FLT4: variants seen among roughly 807,000 people sequenced by gnomAD.
The protein encoded by FLT4 is fms related receptor tyrosine kinase 4.
FLT4 carries 30 observed loss-of-function variants against 163.2 expected under a neutral mutation model. The observed-to-expected ratio is 0.18, with a 90% confidence interval of 0.14 to 0.25. The LOEUF (loss-of-function observed/expected upper bound fraction) is 0.25. Ranked by LOEUF, FLT4 falls within the 10% of genes least tolerant of loss-of-function variation. The pLI is 1.00. For missense variants in FLT4, 1,510 were observed against 1,863.8 expected (o/e 0.81, Z 3.50); for synonymous variants, 884 against 789.5 (o/e 1.12, Z -2.01).
At chr5:180,649,802 G>A (rs756970610), upstream of FLT4, among the ~76,000 whole-genome samples, 102 of 152,128 alleles carry the variant, frequency 6.7e-4, no homozygotes, top group Admixed American at 1.4e-3. Context: ...GCGGGGACGC[G>A]GGTAACGCAG....
At chr5:180,646,269 A>G (rs1024366329) in intron 1 of FLT4, among the ~76,000 whole-genome samples, 2 of 152,042 alleles carry the variant, frequency 1.3e-5, no homozygotes, top group Non-Finnish European at 2.9e-5. Context: ...TGTCCCCACC[A>G]TCCCCAGCTG....
In FLT4 at chr5:180,630,854, C is replaced by T. The variant is rs559947084; in HGVS notation, c.156-55G>A. On this transcript the variant is annotated intron_variant, in intron 2 of 29. Transcript: ENST00000261937. This position sits in a 1 kb window ranked among gnomAD's most constrained non-coding sequence, Gnocchi z 6.3. ...CCCCAGGGCAGCCCATGGGGACTGT[C>T]CCTGAGAAGCCTCCCTCAGGCCGAG... 2.9e-5 allele frequency: 44 copies of T among 1,539,782 alleles called. No individual in the cohort carries two copies. The Admixed American group carries it at 6.1e-4, about 21-fold the overall frequency.
At chr5:180,615,013 G>A (rs1762529351) in intron 23 of FLT4, among the ~76,000 whole-genome samples, 1 of 152,060 alleles carries the variant, frequency 6.6e-6, no homozygotes, top group Admixed American at 6.5e-5. Flanking sequence ...CCATCTCCAG[G>A]ACAGACACCA....
Position 180,630,063 on chromosome 5 carries a change from C to T in FLT4, c.556G>A (p.Asp186Asn). The T allele has an allele frequency of 6.2e-7, 1 of 1,612,804 alleles. No homozygotes were observed. The highest frequency in any genetic ancestry group is 8.5e-7 in the Non-Finnish European group (1 of 1,180,018). ...LWPDGQEVVWDDRRGMLVSTP... is the reference protein window; with the variant it reads ...LWPDGQEVVWNDRRGMLVSTP... ...GACACGAGCATGCCCCGCCGGTCAT[C>T]CCACACCACCTCCTGCCCGTCTGGC... The change falls in exon 5 of 30, where the codon GAT becomes AAT. Residue 186 changes from aspartate (D) to asparagine (N), a missense_variant. Around this residue, in one of 5 missense-constraint regions of FLT4, gnomAD observed 163 missense variants for 281.1 expected, o/e 0.58. Coordinates refer to ENST00000261937, the MANE Select transcript of FLT4 (RefSeq NM_182925.5). The surrounding 1 kb of genome is among the most constrained non-coding windows in gnomAD (Gnocchi z 6.3).
intron 29 of FLT4, among the ~76,000 whole-genome samples, chr5:180,606,026 T>C (rs1761762931): frequency 6.6e-6 from 1 of 152,176 alleles, no homozygotes; most frequent in South Asian, 2.1e-4. Context: ...GCACATTCTC[T>C]CCTTGCACCT....
chr5:180,647,674 C>T (rs1406885884), intron 1 of FLT4, among the ~76,000 whole-genome samples: 1 of 151,942 alleles, frequency 6.6e-6, no homozygotes, highest in Non-Finnish European at 1.5e-5. Flanking sequence ...GGGTCTTCAG[C>T]CTAGCAGGGG....
At chr5:180,646,640 C>G (rs1581721502) in intron 1 of FLT4, among the ~76,000 whole-genome samples, 1 of 152,214 alleles carries the variant, frequency 6.6e-6, no homozygotes, top group African/African-American at 2.4e-5. Flanking sequence ...CTGGGCAATA[C>G]ACGTCTGATG....
rs1339437298 is a variant in FLT4 at position 180,643,386 on chromosome 5, C to T, written c.58+6102G>A. On this transcript the variant is annotated intron_variant, in intron 1 of 29. Coordinates refer to ENST00000261937, the MANE Select transcript of FLT4 (RefSeq NM_182925.5). ...CCTCACCATCCTGACAGCAGCTTGG[C>T]GTGGATGCTTTCTGGCCGCAGAACC... Among the ~76,000 whole-genome samples, 15 of 152,288 alleles carry T rather than the reference C, an allele frequency of 9.8e-5. No homozygotes were observed. The East Asian group carries it at 1.4e-3, about 14-fold the overall frequency.
rs183170811 is a variant in FLT4 at position 180,631,332 on chromosome 5, G to C, written c.155+350C>G. On this transcript the variant is annotated intron_variant, in intron 2 of 29. Transcript: ENST00000261937. ...ACTACAAATACAAAAAATTAGCCGG[G>C]CGTGGTGGCGGGCACCTGTAGTCCC... 2.9e-3 allele frequency among the ~76,000 whole-genome samples: 445 copies of C among 152,226 alleles called. 5 individuals carry two copies. Among genetic ancestry groups the C allele is most frequent in the African/African-American group, 0.01 (423 of 41,556 alleles).
Position 180,602,710 on chromosome 5 carries a change from C to T in FLT4, c.*482G>A, listed in dbSNP as rs1761577950. ...TTCAACTGTGCAGGGGTGGGTGAGG[C>T]CAGCCAGCCCTCGTGGGGAGAGTAG... On this transcript the variant is annotated 3_prime_UTR_variant, in exon 30 of 30. Transcript: ENST00000261937. 6.7e-6 allele frequency: 3 copies of T among 448,914 alleles called. No individual in the cohort carries two copies. The highest frequency in any genetic ancestry group is 7.8e-6 in the Non-Finnish European group (2 of 256,262). 27.8% of individuals were successfully genotyped at this position (448,914 alleles called of 1,614,324 possible).
Position 180,611,436 on chromosome 5 carries a change from G to A in FLT4, c.3581C>T (p.Ser1194Leu), listed in dbSNP as rs2127791645. The A allele has an allele frequency of 6.2e-7, 1 of 1,613,950 alleles. No homozygotes were observed. Among genetic ancestry groups the A allele is most frequent in the Middle Eastern group, 1.6e-4 (1 of 6,062 alleles). ...CACCTGCGAGAAGCTGCCCTCTTCT[G>A]AGCTCTGAGAGCTGCGCGGGGCCAT... is the stretch of plus-strand genomic sequence containing the variant. ...VCMAPRSSQSSEEGSFSQVST... is the reference protein window; with the variant it reads ...VCMAPRSSQSLEEGSFSQVST... The change falls in exon 27 of 30, where the codon TCA (serine) becomes TTA (leucine). Residue 1194 changes from serine to leucine, a missense_variant. Ser to Leu is a moderately radical substitution (Grantham distance 145, BLOSUM62 -2). Around this residue, in one of 5 missense-constraint regions of FLT4, gnomAD observed 295 missense variants for 311.0 expected, o/e 0.95. Coordinates refer to ENST00000261937, the MANE Select transcript of FLT4 (RefSeq NM_182925.5).
chr5:180,612,808 G>A (rs534074049), intron 25 of FLT4, among the ~76,000 whole-genome samples, 197 bp from the exon 26 acceptor site: 2 of 152,104 alleles, frequency 1.3e-5, no homozygotes, highest in South Asian at 2.1e-4. Context: ...CTGAACACTC[G>A]GCTCTGTTCC....
intron 29 of FLT4, among the ~76,000 whole-genome samples, chr5:180,605,402 T>A (rs1298790356): frequency 1.3e-5 from 2 of 152,244 alleles, no homozygotes; most frequent in Non-Finnish European, 2.9e-5. Context: ...CTTATATGTT[T>A]AATTCATGTT....
At chr5:180,641,771 C>G (rs142982892) in intron 1 of FLT4, among the ~76,000 whole-genome samples, 1 of 152,172 alleles carries the variant, frequency 6.6e-6, no homozygotes, top group Admixed American at 6.5e-5. Context: ...CCCGCATGCC[C>G]GGCTGGGCAC....
rs374906970 is a variant in FLT4, at chr5:180,614,031, G to A, written c.3331+37C>T. On this transcript the variant is annotated intron_variant, in intron 24 of 29. Coordinates refer to ENST00000261937, the MANE Select transcript of FLT4 (RefSeq NM_182925.5). ...CATGTAACCTGCCGCCAGTGACCTC[G>A]CCTCCTCTCCCCACCGGCACCCCAT... 4.0e-5 allele frequency: 57 copies of A among 1,423,854 alleles called. No individual in the cohort carries two copies. In the African/African-American group the frequency reaches 6.0e-4, roughly 15 times the overall value. The allele number at this position is 1,423,854 out of a possible 1,614,324, so 88.2% of individuals were successfully genotyped here.
intron 23 of FLT4, 64 bp downstream of exon 23, chr5:180,616,303 T>G (rs771319520): frequency 4.6e-5 from 74 of 1,608,214 alleles, no homozygotes; most frequent in Non-Finnish European, 6.0e-5. Flanking sequence ...GGACAGGCAG[T>G]CTGTGGTCCC....
In FLT4 at chr5:180,619,045, C is replaced by A; in HGVS notation, c.2826G>T (p.Lys942Asn). The A allele has an allele frequency of 6.4e-7, 1 of 1,555,564 alleles. No individual in the cohort carries two copies. The highest frequency in any genetic ancestry group is 8.7e-7 in the Non-Finnish European group (1 of 1,151,118). The change falls in exon 20 of 30, where the codon AAG becomes AAT. Residue 942 changes from lysine (K) to asparagine (N), a missense_variant. This residue lies in a region of FLT4 where 878 missense variants were observed against 1,016.7 expected (regional missense o/e 0.86). Coordinates refer to ENST00000261937, the MANE Select transcript of FLT4 (RefSeq NM_182925.5). ...YGNLSNFLRA[K>N]RDAFSPCAEK... Reference sequence around the variant, plus strand: ...CCGCGCAGGGGCTGAAGGCGTCCCGCTTGGCGCGCAGGAAGTTGGAGAGGT... The same window carrying A: ...CCGCGCAGGGGCTGAAGGCGTCCCGATTGGCGCGCAGGAAGTTGGAGAGGT...
At chr5:180,642,323 TGTC>T (rs1765192540) in intron 1 of FLT4, among the ~76,000 whole-genome samples, 2 of 152,108 alleles carry the variant, frequency 1.3e-5, no homozygotes, top group African/African-American at 4.8e-5. Context: ...GACCCTGTGT[TGTC>T]GTCAGAGCAT....
chr5:180,623,798 G>A lies in FLT4; in HGVS notation c.1548+137C>T, dbSNP rs550708600. The A allele has an allele frequency of 4.4e-4, 484 of 1,095,572 alleles. No individual in the cohort carries two copies. Among genetic ancestry groups the A allele is most frequent in the Non-Finnish European group, 6.3e-4 (452 of 722,644 alleles). The allele number at this position is 1,095,572 out of a possible 1,614,324, so 67.9% of individuals were successfully genotyped here. A position where few individuals can be genotyped will look rare whatever the true frequency, so the allele number is the denominator to read the frequency against. On this transcript the variant is annotated intron_variant, in intron 11 of 29. Coordinates refer to ENST00000261937, the MANE Select transcript of FLT4 (RefSeq NM_182925.5). This position sits in a 1 kb window ranked among gnomAD's most constrained non-coding sequence, Gnocchi z 5.8. ...GCAGGCAGGGTGGCCGAGGCCTACA[G>A]ACTGCAGGAAGGTCACCCGCTCTCG...
Sources: gnomAD v4.1 joint callset for allele counts (sites outside exome capture counted in the v4.1 genomes callset) on GRCh38, gnomAD v4.1.1 for gene constraint, gnomAD v4.1.1 regional missense constraint, Gnocchi (gnomAD v3.1) non-coding constraint, MANE v1.5 for transcripts, NCBI Gene and HGNC (gene_info 2026-07-23, HGNC 2026-07-21) for gene names.